NSUN7: variants seen among roughly 807,000 people sequenced by gnomAD.
NSUN7 encodes protein NSUN7.
NSUN7 carries 39 observed loss-of-function variants against 58.5 expected under a neutral mutation model. That is an observed-to-expected ratio of 0.67 (90% CI 0.52 to 0.87). NSUN7 has a LOEUF of 0.87. NSUN7 is among the 40% of genes least tolerant of loss of function. The pLI is 0.00. For synonymous variants in NSUN7, 278 were observed against 303.7 expected (o/e 0.92, Z 0.88); for missense variants, 765 against 844.1 (o/e 0.91, Z 1.16).
chr4:40,805,312 G>A (rs969691232), intron 10 of NSUN7, among the ~76,000 whole-genome samples: 13 of 152,094 alleles, frequency 8.5e-5, no homozygotes, highest in African/African-American at 2.9e-4. Flanking sequence ...CCAAACCCAC[G>A]CTTGTGTTTG....
At chr4:40,770,000 G>A (rs1331479115) in intron 4 of NSUN7, among the ~76,000 whole-genome samples, 8 of 151,976 alleles carry the variant, frequency 5.3e-5, no homozygotes, top group African/African-American at 1.7e-4. Flanking sequence ...TCCTGAGGTC[G>A]GGAGTTCGAG....
rs149007422 is a variant in NSUN7, at chr4:40,808,887, C to T, written c.2105C>T (p.Pro702Leu). Residue 702 changes from proline to leucine, a missense_variant, in exon 12 of 12, where the codon CCT becomes CTT. Pro to Leu is a moderately conservative substitution (Grantham distance 98, BLOSUM62 -3). Coordinates refer to ENST00000381782, the MANE Select transcript of NSUN7 (RefSeq NM_024677.6). ...THSLSRKEEK[P>L]KDDTPSSLLR... ...TCACTATCCAGAAAAGAGGAAAAGC[C>T]TAAAGATGACACACCTTCCTCCCTA... 24 of 1,544,506 alleles carry T rather than the reference C, an allele frequency of 1.6e-5. No individual in the cohort carries two copies. The East Asian group carries it at 3.2e-4, about 20-fold the overall frequency.
intron 4 of NSUN7, among the ~76,000 whole-genome samples, chr4:40,772,741 C>T (rs1310350364): frequency 6.6e-6 from 1 of 152,178 alleles, no homozygotes; most frequent in Non-Finnish European, 1.5e-5. Context: ...TGGCTCCCAG[C>T]ATTCTTTGAA....
At chr4:40,808,208 AAG>A (rs1743926497) in intron 11 of NSUN7, 97 bp from the exon 12 acceptor site, 4 of 1,337,782 alleles carry the variant, frequency 3.0e-6, no homozygotes, top group African/African-American at 1.5e-5. Context: ...TAGTATAATA[AAG>A]AGAGTCTTTT....
chr4:40,759,693 A>G (rs1042390053), intron 2 of NSUN7, among the ~76,000 whole-genome samples: 5 of 152,240 alleles, frequency 3.3e-5, no homozygotes, highest in Non-Finnish European at 7.3e-5. Context: ...ACAAGAAAAG[A>G]AAATTATAGA....
chr4:40,751,399 AG>A (rs1376837488), intron 2 of NSUN7, among the ~76,000 whole-genome samples: 3 of 152,012 alleles, frequency 2.0e-5, no homozygotes, highest in Non-Finnish European at 2.9e-5. Context: ...CTGGGATTAC[AG>A]GCAGTGAGCC....
Position 40,808,685 on chromosome 4 carries a change from T to C in NSUN7, c.1903T>C (p.Leu635=), listed in dbSNP as rs1050053283. 6 of 1,551,572 alleles carry C rather than the reference T, an allele frequency of 3.9e-6. No individual in the cohort carries two copies. The African/African-American group carries it at 8.2e-5, about 21-fold the overall frequency. Residue 635 remains leucine (L), a synonymous_variant, in exon 12 of 12, where the codon TTA becomes CTA. Coordinates refer to ENST00000381782, the MANE Select transcript of NSUN7 (RefSeq NM_024677.6). ...ACCGCGTGAACGGCAGACACACTTC[T>C]TAAGACCTCGGCCAGAAGACAGAAT... ...SRPRERQTHF[L]RPRPEDRMVA... is the part of the protein sequence containing the mutation.
intron 4 of NSUN7, among the ~76,000 whole-genome samples, chr4:40,769,542 AG>A (rs767959923): frequency 6.6e-6 from 1 of 152,240 alleles, no homozygotes; most frequent in Non-Finnish European, 1.5e-5. Flanking sequence ...AAGAAAACAG[AG>A]AACAGTTTTA....
chr4:40,762,108 C>G (rs1741489215), intron 4 of NSUN7, among the ~76,000 whole-genome samples: 1 of 152,164 alleles, frequency 6.6e-6, no homozygotes, highest in South Asian at 2.1e-4. Context: ...CTTCTGTGTT[C>G]CACCATTTGA....
chr4:40,749,955 A>C lies in NSUN7; in HGVS notation c.-437A>C, dbSNP rs76539927. On this transcript the variant is annotated 5_prime_UTR_variant, in exon 1 of 12. Transcript: ENST00000381782. Reference sequence around the variant, plus strand: ...TGCCATGAAGACCCGGTCCGGGAGCAGTCGACTGCCGGAGACTCGGGAGGC... The same window carrying C: ...TGCCATGAAGACCCGGTCCGGGAGCCGTCGACTGCCGGAGACTCGGGAGGC... 1 of 151,938 alleles carries C rather than the reference A, an allele frequency of 6.6e-6. No individual in the cohort carries two copies. The highest frequency in any genetic ancestry group is 1.5e-5 in the Non-Finnish European group (1 of 68,012). The allele number at this position is 151,938 out of a possible 1,614,324, so 9.4% of individuals were successfully genotyped here. A position where few individuals can be genotyped will look rare whatever the true frequency, so the allele number is the denominator to read the frequency against.
At chr4:40,782,434 G>A (rs1470059664) in intron 7 of NSUN7, among the ~76,000 whole-genome samples, 1 of 151,754 alleles carries the variant, frequency 6.6e-6, no homozygotes, top group East Asian at 1.9e-4. Context: ...CAGGCGTGGT[G>A]GCTTATGCCT....
In NSUN7 at chr4:40,750,630, C is replaced by T; in HGVS notation, c.-64C>T. ...ACCATGCTGCAGATGCGAGGAAAGC[C>T]GTTTCCTGGAACATCGGAATTCTAA... is the stretch of plus-strand genomic sequence containing the variant. On this transcript the variant is annotated 5_prime_UTR_variant, in exon 2 of 12. Coordinates refer to ENST00000381782, the MANE Select transcript of NSUN7 (RefSeq NM_024677.6). 6.4e-7 allele frequency: 1 copy of T among 1,559,114 alleles called. No homozygotes were observed. The highest frequency in any genetic ancestry group is 8.7e-7 in the Non-Finnish European group (1 of 1,144,534).
At chr4:40,757,975 C>T (rs909907653) in intron 2 of NSUN7, among the ~76,000 whole-genome samples, 1 of 152,036 alleles carries the variant, frequency 6.6e-6, no homozygotes, top group African/African-American at 2.4e-5. Context: ...AGCCAGAGTG[C>T]AATGTCACGA....
chr4:40,770,704 A>G (rs1741956388), intron 4 of NSUN7, among the ~76,000 whole-genome samples: 2 of 152,250 alleles, frequency 1.3e-5, no homozygotes, highest in Non-Finnish European at 2.9e-5. Flanking sequence ...ATATTACAAA[A>G]AGCCAAAAGA....
chr4:40,792,144 A>C (rs1161780633), intron 8 of NSUN7, among the ~76,000 whole-genome samples: 3 of 152,228 alleles, frequency 2.0e-5, no homozygotes, highest in Admixed American at 2.0e-4. Flanking sequence ...AACTTTAAGA[A>C]ATAATCAAAG....
At position 40,793,836 on chromosome 4, in the gene NSUN7, A is replaced by G. The variant is rs114598487; in HGVS notation, c.1181-539A>G. On this transcript the variant is annotated intron_variant, in intron 8 of 11. Transcript: ENST00000381782. ...GTATATCTTCATTAATATTGTCAAT[A>G]CATATATTTAAATTATTTTTCAAAA... Among the ~76,000 whole-genome samples, 508 of 152,328 alleles carry G rather than the reference A, an allele frequency of 3.3e-3. 3 individuals are homozygous for G. The highest frequency in any genetic ancestry group is 0.012 in the African/African-American group (491 of 41,574).
At position 40,809,836 on chromosome 4, in the gene NSUN7, T is replaced by C. The variant is rs922261001; in HGVS notation, c.*897T>C. ...TTCTGAGGCACAATTAAATATATTG[T>C]AGCACTATGTTAATTAATTATATTA... On this transcript the variant is annotated 3_prime_UTR_variant, in exon 12 of 12. Coordinates refer to ENST00000381782, the MANE Select transcript of NSUN7 (RefSeq NM_024677.6). 3 of 152,312 alleles carry C rather than the reference T, an allele frequency of 2.0e-5. No individual in the cohort carries two copies. Among genetic ancestry groups the C allele is most frequent in the African/African-American group, 7.2e-5 (3 of 41,576 alleles). The allele number at this position is 152,312 out of a possible 1,614,324, so 9.4% of individuals were successfully genotyped here.
At chr4:40,801,353 T>C (rs17441923) in intron 10 of NSUN7, among the ~76,000 whole-genome samples, 20,238 of 152,238 alleles carry the variant, frequency 0.13, 1,429 homozygotes, top group Non-Finnish European at 0.16. Flanking sequence ...CTTGTGGAGA[T>C]TGAATATATT....
At chr4:40,783,052 A>G (rs1328331544) in intron 7 of NSUN7, among the ~76,000 whole-genome samples, 2 of 152,242 alleles carry the variant, frequency 1.3e-5, no homozygotes, top group African/African-American at 4.8e-5. Context: ...TAAGGAACCC[A>G]GAATAGCTAA....
Sources: gnomAD v4.1 joint callset for allele counts (sites outside exome capture counted in the v4.1 genomes callset) on GRCh38, gnomAD v4.1.1 for gene constraint, MANE v1.5 for transcripts, NCBI Gene and HGNC (gene_info 2026-07-23, HGNC 2026-07-21) for gene names.